Variants in LRCH1 observed in about 807,000 individuals in gnomAD.
The protein encoded by LRCH1 is leucine-rich repeat and calponin homology domain-containing protein 1.
In LRCH1, 23 loss-of-function variants were observed where a neutral mutation model predicts 94.9. The ratio of observed to expected loss-of-function variants is 0.24; its 90% CI spans 0.17 to 0.34. LRCH1 has a LOEUF of 0.34. Among genes scored for constraint, LRCH1 ranks in the 10% least tolerant of loss-of-function variants. The pLI, the probability that LRCH1 is intolerant of heterozygous loss-of-function variation, is 1.00. For missense variants in LRCH1, 790 were observed against 945.9 expected (o/e 0.84, Z 2.16); for synonymous variants, 364 against 354.9 (o/e 1.03, Z -0.29).
chr13:46,712,404 C>A, intron 14 of LRCH1, 121 bp from the exon 15 acceptor site: 1 of 732,372 alleles, frequency 1.4e-6, no homozygotes, highest in South Asian at 1.8e-5. Context: ...GACTTCATCA[C>A]ACAGCAGCGA....
intron 2 of LRCH1, among the ~76,000 whole-genome samples, chr13:46,660,789 T>C (rs922837285): frequency 6.6e-6 from 1 of 152,210 alleles, no homozygotes; most frequent in South Asian, 2.1e-4. Flanking sequence ...CTCTTGTGTC[T>C]CAAATATGTT....
chr13:46,608,922 C>T (rs545847981), intron 1 of LRCH1, among the ~76,000 whole-genome samples: 1 of 152,232 alleles, frequency 6.6e-6, no homozygotes, highest in South Asian at 2.1e-4. Flanking sequence ...AAATTTCATC[C>T]TCTGTTAGGA....
intron 2 of LRCH1, among the ~76,000 whole-genome samples, chr13:46,653,540 G>A (rs956633766): frequency 2.6e-5 from 4 of 152,144 alleles, no homozygotes; most frequent in Non-Finnish European, 5.9e-5. Flanking sequence ...ACATAAAATA[G>A]TAGGCTGGGC....
chr13:46,586,584 A>T (rs897723244), intron 1 of LRCH1, among the ~76,000 whole-genome samples: 3 of 151,938 alleles, frequency 2.0e-5, no homozygotes, highest in African/African-American at 7.3e-5. Context: ...CACCCAACTG[A>T]TTGTTGTATT....
chr13:46,630,904 T>C (rs998317178), intron 1 of LRCH1, among the ~76,000 whole-genome samples: 2 of 152,230 alleles, frequency 1.3e-5, no homozygotes, highest in African/African-American at 4.8e-5. Context: ...CTTTTCACTT[T>C]GATTTTTGCA....
intron 3 of LRCH1, among the ~76,000 whole-genome samples, chr13:46,671,235 A>C (rs1347359001): frequency 6.6e-6 from 1 of 152,220 alleles, no homozygotes; most frequent in East Asian, 1.9e-4. Flanking sequence ...TTGTCCAAAA[A>C]GCCTTCCCAG....
rs144203474 is a variant in LRCH1, at chr13:46,571,420, C to A, written c.307+17717C>A. Among the ~76,000 whole-genome samples the A allele has an allele frequency of 2.0e-4, 30 of 152,284 alleles. No homozygotes were observed. The East Asian group carries it at 5.4e-3, about 27-fold the overall frequency. On this transcript the variant is annotated intron_variant, in intron 1 of 19. Coordinates refer to ENST00000389797, the MANE Select transcript of LRCH1 (RefSeq NM_001164211.2). Reference sequence around the variant, plus strand: ...CCAGAGATTCAAGTGGCGACGAGTACCAACTCTGCCTTCCACCCATTGCTT... The same window carrying A: ...CCAGAGATTCAAGTGGCGACGAGTAACAACTCTGCCTTCCACCCATTGCTT...
At chr13:46,612,403 G>A (rs922748903) in intron 1 of LRCH1, among the ~76,000 whole-genome samples, 17 of 152,170 alleles carry the variant, frequency 1.1e-4, no homozygotes, top group Non-Finnish European at 2.4e-4. Context: ...TTCCTCTTTT[G>A]TAGTTTTAAA....
At position 46,735,788 on chromosome 13, in the gene LRCH1, C is replaced by CTTTTTTT. The variant is rs1288570749; in HGVS notation, c.2085+1794_2085+1795insTTTTTTT. On this transcript the variant is annotated intron_variant, in intron 19 of 19. Transcript: ENST00000389797. ...AGGTGATTTTCCTTTTTTTCTTTTT[C>CTTTTTTT]TTTTCTTTTTTTTTTTTTTTTCGAG... Among the ~76,000 whole-genome samples, 17 of 69,908 alleles carry CTTTTTTT rather than the reference C, an allele frequency of 2.4e-4. 2 individuals carry two copies. The highest frequency in any genetic ancestry group is 4.5e-4 in the Admixed American group (2 of 4,398). 45.9% of individuals were successfully genotyped at this position (69,908 alleles called of 152,430 possible).
At chr13:46,692,930 T>G (rs890962554) in intron 8 of LRCH1, among the ~76,000 whole-genome samples, 1 of 152,046 alleles carries the variant, frequency 6.6e-6, no homozygotes, top group African/African-American at 2.4e-5. Context: ...CGGTACATAG[T>G]AGAACTAATC....
chr13:46,583,280 T>C (rs1309466493), intron 1 of LRCH1, among the ~76,000 whole-genome samples: 1 of 152,226 alleles, frequency 6.6e-6, no homozygotes, highest in Non-Finnish European at 1.5e-5. Context: ...ACTAATATTC[T>C]GTTTGCTTTT....
At chr13:46,725,085 TA>T (rs1872749453) in intron 17 of LRCH1, among the ~76,000 whole-genome samples, 1 of 152,220 alleles carries the variant, frequency 6.6e-6, no homozygotes. Flanking sequence ...GCCACTATCC[TA>T]AGCAAATTAA....
At chr13:46,611,798 T>A (rs969590342) in intron 1 of LRCH1, among the ~76,000 whole-genome samples, 2 of 152,264 alleles carry the variant, frequency 1.3e-5, no homozygotes, top group Non-Finnish European at 2.9e-5. Flanking sequence ...AAAATAATGT[T>A]ATCTTCTTAA....
intron 1 of LRCH1, among the ~76,000 whole-genome samples, chr13:46,608,873 A>G (rs1176374987): frequency 1.3e-5 from 2 of 152,218 alleles, no homozygotes; most frequent in African/African-American, 2.4e-5. Context: ...ACTGCAGTAC[A>G]CATTGCATGC....
At chr13:46,686,221 A>G (rs1870607752) in intron 5 of LRCH1, among the ~76,000 whole-genome samples, 180 bp downstream of exon 5, 1 of 152,252 alleles carries the variant, frequency 6.6e-6, no homozygotes. Context: ...CTCCAGAGTG[A>G]AGACCCAAAG....
Position 46,728,969 on chromosome 13 carries a change from C to T in LRCH1, c.1992C>T (p.Val664=). The T allele has an allele frequency of 6.2e-7, 1 of 1,612,792 alleles. No individual in the cohort carries two copies. Among genetic ancestry groups the T allele is most frequent in the Non-Finnish European group, 8.5e-7 (1 of 1,179,338 alleles). The part of the protein sequence containing the change: ...IRPRSVASIH[V]PSPAVPKLSM... ...CACGGTCGGTTGCAAGCATCCATGT[C>T]CCATCACCAGCGGTTGTAAGTAACA... Residue 664 remains valine, a synonymous_variant, in exon 18 of 20, where the codon GTC becomes GTT. Transcript: ENST00000389797.
At chr13:46,693,512 G>A (rs951373680) in intron 8 of LRCH1, among the ~76,000 whole-genome samples, 3 of 152,162 alleles carry the variant, frequency 2.0e-5, no homozygotes, top group Non-Finnish European at 2.9e-5. Flanking sequence ...ATGAGGGTGG[G>A]AAATGTAGTT....
rs936875842 is a variant in LRCH1, at chr13:46,744,188, G to C, written c.*2340G>C. 6 of 985,392 alleles carry C rather than the reference G, an allele frequency of 6.1e-6. No individual in the cohort carries two copies. In the Admixed American group the frequency reaches 3.7e-4, roughly 60 times the overall value. 61.0% of individuals were successfully genotyped at this position (985,392 alleles called of 1,614,324 possible). On this transcript the variant is annotated 3_prime_UTR_variant, in exon 20 of 20. Transcript: ENST00000389797. ...ATGCCTGCGGATGCCTGCCCTTGCA[G>C]CTTGACTGGGGATACCTGGCTGACC...
At chr13:46,657,795 T>G (rs1324906251) in intron 2 of LRCH1, among the ~76,000 whole-genome samples, 1 of 148,290 alleles carries the variant, frequency 6.7e-6, no homozygotes, top group Non-Finnish European at 1.5e-5. Flanking sequence ...TCCCAAGGTG[T>G]TAGAATTACA....
Sources: gnomAD v4.1 joint callset for allele counts (sites outside exome capture counted in the v4.1 genomes callset) on GRCh38, gnomAD v4.1.1 for gene constraint, MANE v1.5 for transcripts, NCBI Gene and HGNC (gene_info 2026-07-23, HGNC 2026-07-21) for gene names.